Variants in MEIOSIN observed in about 807,000 individuals in gnomAD.
MEIOSIN encodes meiosis initiator, also known as meiosis initiator protein.
Under a neutral mutation model 23.4 loss-of-function variants are expected in MEIOSIN, and 18 were observed. The observed-to-expected ratio is 0.77, with a 90% CI of 0.53 to 1.14. The LOEUF (loss-of-function observed/expected upper bound fraction) is 1.14, where lower values mean the gene tolerates loss of function less well. MEIOSIN is among the 50% of genes most tolerant of loss of function. The pLI, the probability that MEIOSIN is intolerant of heterozygous loss-of-function variation, is 0.00. For synonymous variants in MEIOSIN, 187 were observed against 100.6 expected (o/e 1.86, Z -5.14); for missense variants, 428 against 242.9 (o/e 1.76, Z -5.07).
intron 4 of MEIOSIN, among the ~76,000 whole-genome samples, chr19:45,749,104 C>T (rs1335153689): frequency 6.6e-6 from 1 of 151,390 alleles, no homozygotes; most frequent in Non-Finnish European, 1.5e-5. Context: ...GGTGTGGTGG[C>T]TCATGCCTGT....
chr19:45,762,875 C>T (rs1379177963), intron 13 of MEIOSIN, among the ~76,000 whole-genome samples: 3 of 152,214 alleles, frequency 2.0e-5, no homozygotes, highest in Non-Finnish European at 4.4e-5. Flanking sequence ...CTCTGTCTTC[C>T]GGGCTGGCTT....
intron 11 of MEIOSIN, among the ~76,000 whole-genome samples, chr19:45,760,700 G>A (rs1968920421): frequency 6.6e-6 from 1 of 151,872 alleles, no homozygotes; most frequent in African/African-American, 2.4e-5. Context: ...AGGCTGAGGC[G>A]GGCAGATCAC....
In MEIOSIN at chr19:45,745,326, A is replaced by G. The variant is rs1325630958; in HGVS notation, c.306+5A>G. On this transcript the variant is annotated splice_donor_5th_base_variant and intron_variant, in intron 4 of 14. Coordinates refer to ENST00000457052, the MANE Select transcript of MEIOSIN (RefSeq NM_001310124.2). ...GGGACCAAGAAGCTCACAAAGGTACAGGGACTAGAGGAGAGGGGCCAGATT... is the reference window on the plus strand; with the variant it reads ...GGGACCAAGAAGCTCACAAAGGTACGGGGACTAGAGGAGAGGGGCCAGATT... 3 of 700,028 alleles carry G rather than the reference A, an allele frequency of 4.3e-6. No individual in the cohort carries two copies. The highest frequency in any genetic ancestry group is 7.8e-6 in the Non-Finnish European group (3 of 384,056). 43.4% of individuals were successfully genotyped at this position (700,028 alleles called of 1,614,324 possible).
Position 45,764,022 on chromosome 19 carries a change from C to T in MEIOSIN, c.1821C>T (p.Asp607=), listed in dbSNP as rs911637879. The T allele has an allele frequency of 4.0e-5, 16 of 398,650 alleles. No individual in the cohort carries two copies. Among genetic ancestry groups the T allele is most frequent in the South Asian group, 2.5e-4 (2 of 7,866 alleles). The allele number at this position is 398,650 out of a possible 1,614,324, so 24.7% of individuals were successfully genotyped here. The change falls in exon 15 of 15, where the codon GAC becomes GAT. Residue 607 remains aspartate, a synonymous_variant. Transcript: ENST00000457052. ...SRQHNRIVKQ[D]GSSSEAEDWE... ...AGCACAACCGCATCGTGAAGCAGGA[C>T]GGCTCCAGCAGCGAGGCTGAGGACT...
At chr19:45,756,738 G>A (rs1968838419) in intron 8 of MEIOSIN, among the ~76,000 whole-genome samples, 1 of 152,040 alleles carries the variant, frequency 6.6e-6, no homozygotes, top group Admixed American at 6.6e-5. Flanking sequence ...TATTTCACCT[G>A]GCCTTTGAGA....
At chr19:45,739,974 A>T (rs1008154889) in intron 3 of MEIOSIN, among the ~76,000 whole-genome samples, 1 of 151,818 alleles carries the variant, frequency 6.6e-6, no homozygotes, top group Admixed American at 6.6e-5. Context: ...CAACCTCCCG[A>T]GTAGTTGGGA....
At chr19:45,752,985 G>A (rs187008496) in intron 5 of MEIOSIN, among the ~76,000 whole-genome samples, 3 of 147,468 alleles carry the variant, frequency 2.0e-5, no homozygotes, top group Admixed American at 6.9e-5. Context: ...GTGAAGTGGC[G>A]AAATTTCGGA....
At chr19:45,753,260 A>C (rs1223597434) in intron 5 of MEIOSIN, among the ~76,000 whole-genome samples, 1 of 152,150 alleles carries the variant, frequency 6.6e-6, no homozygotes. Context: ...GATGTTAATG[A>C]GGAAGAATCG....
intron 3 of MEIOSIN, among the ~76,000 whole-genome samples, chr19:45,740,104 C>T (rs1178258372): frequency 2.6e-5 from 4 of 152,194 alleles, no homozygotes; most frequent in African/African-American, 7.2e-5. Flanking sequence ...CTGCCTTGGC[C>T]TCCCAAGGTG....
At position 45,761,965 on chromosome 19, in the gene MEIOSIN, G is replaced by T; in HGVS notation, c.1461G>T (p.Thr487=). The change falls in exon 13 of 15, where the codon ACG becomes ACT. Residue 487 remains threonine, a synonymous_variant. Coordinates refer to ENST00000457052, the MANE Select transcript of MEIOSIN (RefSeq NM_001310124.2). ...ATATGCAGGCCAACCCTGTGGGCAC[G>T]CCGGGCTCCAGCGAAGAGGACGAAG... is the stretch of plus-strand genomic sequence containing the variant. ...REDMQANPVG[T]PGSSEEDEDT... 3.6e-6 allele frequency: 2 copies of T among 561,878 alleles called. No homozygotes were observed. The highest frequency in any genetic ancestry group is 4.5e-5 in the South Asian group (2 of 43,966). 34.8% of individuals were successfully genotyped at this position (561,878 alleles called of 1,614,324 possible).
At chr19:45,739,351 C>T (rs919602753) in intron 2 of MEIOSIN, among the ~76,000 whole-genome samples, 17 of 152,034 alleles carry the variant, frequency 1.1e-4, no homozygotes, top group Admixed American at 7.9e-4. Flanking sequence ...CGGGGTTTCA[C>T]CATGTTGGTC....
chr19:45,734,538 T>G (rs1968378164), intron 1 of MEIOSIN, among the ~76,000 whole-genome samples: 1 of 151,964 alleles, frequency 6.6e-6, no homozygotes, highest in South Asian at 2.1e-4. Flanking sequence ...AGGTCTCACT[T>G]TGTCATCCAG....
intron 4 of MEIOSIN, among the ~76,000 whole-genome samples, chr19:45,750,420 C>A (rs193284085): frequency 6.8e-5 from 10 of 146,130 alleles, no homozygotes; most frequent in African/African-American, 2.5e-4. Context: ...AGTGCAACGG[C>A]GTGATCTTGG....
chr19:45,739,582 T>C lies in MEIOSIN; in HGVS notation c.72-44T>C, dbSNP rs1336711139. ...GACTCTGATTGGCCAAACCTAGGAT[T>C]ACCACTCCAACCCTGAACCAATCAC... On this transcript the variant is annotated intron_variant, in intron 2 of 14. Transcript: ENST00000457052. The C allele has an allele frequency of 4.3e-6, 3 of 702,236 alleles. No homozygotes were observed. In the East Asian group the frequency reaches 8.0e-5, roughly 19 times the overall value. 43.5% of individuals were successfully genotyped at this position (702,236 alleles called of 1,614,324 possible).
chr19:45,747,891 G>C (rs1420321849), intron 4 of MEIOSIN, among the ~76,000 whole-genome samples: 2 of 152,140 alleles, frequency 1.3e-5, no homozygotes, highest in East Asian at 3.9e-4. Context: ...CTTGAGATTA[G>C]GAGTTCGAGA....
intron 3 of MEIOSIN, among the ~76,000 whole-genome samples, chr19:45,740,365 T>A (rs943933268): frequency 2.6e-5 from 4 of 152,190 alleles, no homozygotes; most frequent in Non-Finnish European, 5.9e-5. Flanking sequence ...AAACTGGAGC[T>A]TATATATCAA....
chr19:45,755,833 C>T (rs1189661400), intron 7 of MEIOSIN, 137 bp from the exon 8 acceptor site: 1 of 603,802 alleles, frequency 1.7e-6, no homozygotes, highest in Non-Finnish European at 3.0e-6. Flanking sequence ...ACGTGACACC[C>T]TGCATCCTGA....
At chr19:45,737,621 A>G (rs1208894179) in intron 2 of MEIOSIN, among the ~76,000 whole-genome samples, 2 of 150,674 alleles carry the variant, frequency 1.3e-5, no homozygotes, top group Admixed American at 6.6e-5. Context: ...ACACGCCACT[A>G]TGCCCAACTA....
rs1174893772 is a variant in MEIOSIN at position 45,753,770 on chromosome 19, A to C, written c.538A>C (p.Lys180Gln). Residue 180 changes from lysine (K) to glutamine (Q), a missense_variant, in exon 6 of 15, where the codon AAG (lysine) becomes CAG (glutamine). Coordinates refer to ENST00000457052, the MANE Select transcript of MEIOSIN (RefSeq NM_001310124.2). ...QGACQKPRKK[K>Q]LTQASESQTR... The stretch of plus-strand genomic sequence containing the variant: ...GGCGTGCCAGAAGCCTCGGAAGAAG[A>C]AGCTGACCCAGGCATCAGGTACAAG... 1.4e-6 allele frequency: 1 copy of C among 702,668 alleles called. No homozygotes were observed. The highest frequency in any genetic ancestry group is 2.6e-6 in the Non-Finnish European group (1 of 384,814). 43.5% of individuals were successfully genotyped at this position (702,668 alleles called of 1,614,324 possible). A position where few individuals can be genotyped will look rare whatever the true frequency, so the allele number is the denominator to read the frequency against.
Sources: gnomAD v4.1 joint callset for allele counts (sites outside exome capture counted in the v4.1 genomes callset) on GRCh38, gnomAD v4.1.1 for gene constraint, MANE v1.5 for transcripts, NCBI Gene and HGNC (gene_info 2026-07-23, HGNC 2026-07-21) for gene names.